The following PIP4K2A variants were observed in gnomAD, a reference collection of about 807,000 sequenced individuals.
PIP4K2A encodes phosphatidylinositol 5-phosphate 4-kinase type-2 alpha.
In PIP4K2A, 14 loss-of-function variants were observed where a neutral mutation model predicts 42.9. That is an observed-to-expected ratio of 0.33 (90% CI 0.22 to 0.51). The LOEUF (loss-of-function observed/expected upper bound fraction) is 0.51. PIP4K2A is among the 20% of genes least tolerant of loss of function. PIP4K2A has a pLI of 0.97. For synonymous variants in PIP4K2A, 192 were observed against 192.2 expected (o/e 1.00, Z 0.01); for missense variants, 434 against 519.8 (o/e 0.83, Z 1.61).
intron 1 of PIP4K2A, among the ~76,000 whole-genome samples, chr10:22,677,826 G>T (rs1839587497): frequency 1.3e-5 from 2 of 152,190 alleles, no homozygotes; most frequent in Non-Finnish European, 2.9e-5. Context: ...CAATCAGTCA[G>T]TAAGGTCCTA....
At chr10:22,686,044 G>A (rs958128339) in intron 1 of PIP4K2A, among the ~76,000 whole-genome samples, 4 of 152,082 alleles carry the variant, frequency 2.6e-5, no homozygotes, top group Admixed American at 6.5e-5. Flanking sequence ...AATACTGGGC[G>A]TGTCAAGATT....
chr10:22,568,794 T>G (rs978501947), intron 5 of PIP4K2A, among the ~76,000 whole-genome samples: 1 of 152,222 alleles, frequency 6.6e-6, no homozygotes, highest in African/African-American at 2.4e-5. Context: ...TAAGTATGGA[T>G]GACAATCACG....
At chr10:22,686,719 C>T (rs1313729294) in intron 1 of PIP4K2A, among the ~76,000 whole-genome samples, 2 of 152,162 alleles carry the variant, frequency 1.3e-5, no homozygotes, top group African/African-American at 2.4e-5. Flanking sequence ...ATCCTCCCAC[C>T]TTTGTCTCCC....
At chr10:22,699,056 T>A (rs1833653973) in intron 1 of PIP4K2A, among the ~76,000 whole-genome samples, 1 of 152,154 alleles carries the variant, frequency 6.6e-6, no homozygotes. Context: ...AGAAAGTGAA[T>A]TAGACAAAAA....
At chr10:22,706,311 T>C (rs754370364) in intron 1 of PIP4K2A, among the ~76,000 whole-genome samples, 2 of 152,168 alleles carry the variant, frequency 1.3e-5, no homozygotes, top group African/African-American at 2.4e-5. Context: ...CAGTCCTGGT[T>C]AGCACCTTGG....
At chr10:22,614,287 G>A (rs1210803296) in intron 1 of PIP4K2A, among the ~76,000 whole-genome samples, 1 of 152,236 alleles carries the variant, frequency 6.6e-6, no homozygotes, top group Non-Finnish European at 1.5e-5. Flanking sequence ...ATCATAAGAT[G>A]CTGAAATTAA....
chr10:22,609,491 A>C, intron 2 of PIP4K2A, 129 bp downstream of exon 2: 4 of 660,370 alleles, frequency 6.1e-6, no homozygotes, highest in Non-Finnish European at 5.4e-6. Context: ...GGTTATGTTT[A>C]TCACAGGATT....
chr10:22,614,885 C>A (rs1156605633), intron 1 of PIP4K2A, among the ~76,000 whole-genome samples: 1 of 152,146 alleles, frequency 6.6e-6, no homozygotes, highest in Non-Finnish European at 1.5e-5. Context: ...GCAATGAGCT[C>A]CCAGATTGAA....
intron 5 of PIP4K2A, among the ~76,000 whole-genome samples, chr10:22,569,655 CTG>C (rs145635674): frequency 2.0e-5 from 3 of 151,246 alleles, no homozygotes; most frequent in Admixed American, 6.6e-5. Context: ...GTGTGTGTGT[CTG>C]TGTGTGTGTG....
At position 22,536,750 on chromosome 10, in the gene PIP4K2A, T is replaced by TTTG. The variant is rs1181418726; in HGVS notation, c.*448_*450dup. The stretch of plus-strand genomic sequence containing the variant: ...AAAAAAAAAAAAAACTGATCCACAG[T>TTTG]TTGTTGTGTGATGCCAACACGGTGC... On this transcript the variant is annotated 3_prime_UTR_variant, in exon 10 of 10. Transcript: ENST00000376573. 2.3e-5 allele frequency: 2 copies of TTTG among 85,468 alleles called. No homozygotes were observed. The highest frequency in any genetic ancestry group is 5.6e-5 in the Non-Finnish European group (2 of 35,570). 5.3% of individuals were successfully genotyped at this position (85,468 alleles called of 1,614,324 possible). A position where few individuals can be genotyped will look rare whatever the true frequency, so the allele number is the denominator to read the frequency against.
chr10:22,539,789 G>A (rs1441167430), intron 9 of PIP4K2A, among the ~76,000 whole-genome samples, 182 bp downstream of exon 9: 3 of 151,928 alleles, frequency 2.0e-5, no homozygotes, highest in Non-Finnish European at 2.9e-5. Context: ...TGCCCCCAGG[G>A]AACAAGCGTC....
intron 1 of PIP4K2A, among the ~76,000 whole-genome samples, chr10:22,679,311 C>A (rs1839617710): frequency 6.6e-6 from 1 of 152,110 alleles, no homozygotes; most frequent in African/African-American, 2.4e-5. Flanking sequence ...TATATGGATA[C>A]CTCCTCAATA....
chr10:22,582,136 A>T (rs1445942032), intron 4 of PIP4K2A, among the ~76,000 whole-genome samples: 1 of 152,004 alleles, frequency 6.6e-6, no homozygotes, highest in African/African-American at 2.4e-5. Flanking sequence ...CTTATAAATG[A>T]TGTCGTCAAC....
rs556850522 is a variant in PIP4K2A, at chr10:22,615,503, A to G, written c.145-5786T>C. ...ACATAATGTTCATAAAGGAAACAGA[A>G]AGATTTGTGTTAACCATTACTGTTT... On this transcript the variant is annotated intron_variant, in intron 1 of 9. Coordinates refer to ENST00000376573, the MANE Select transcript of PIP4K2A (RefSeq NM_005028.5). Among the ~76,000 whole-genome samples, 18 of 152,374 alleles carry G rather than the reference A, an allele frequency of 1.2e-4. No homozygotes were observed. The East Asian group carries it at 3.3e-3, about 28-fold the overall frequency.
chr10:22,536,959 C>T lies in PIP4K2A; in HGVS notation c.*242G>A. 1 of 224,890 alleles carries T rather than the reference C, an allele frequency of 4.4e-6. No homozygotes were observed. Among genetic ancestry groups the T allele is most frequent in the Non-Finnish European group, 7.2e-6 (1 of 138,788 alleles). 13.9% of individuals were successfully genotyped at this position (224,890 alleles called of 1,614,324 possible). A position where few individuals can be genotyped will look rare whatever the true frequency, so the allele number is the denominator to read the frequency against. On this transcript the variant is annotated 3_prime_UTR_variant, in exon 10 of 10. Coordinates refer to ENST00000376573, the MANE Select transcript of PIP4K2A (RefSeq NM_005028.5). ...AATGCACACGCGCGCACACACTCAC[C>T]CCCCCCCAACACACACACACACACA...
At chr10:22,587,639 G>C (rs1483151270) in intron 4 of PIP4K2A, among the ~76,000 whole-genome samples, 1 of 152,146 alleles carries the variant, frequency 6.6e-6, no homozygotes, top group East Asian at 1.9e-4. Flanking sequence ...CGGTCACACA[G>C]AATCACATGA....
intron 1 of PIP4K2A, among the ~76,000 whole-genome samples, chr10:22,647,353 C>T (rs558149758): frequency 4.5e-4 from 69 of 151,814 alleles, no homozygotes; most frequent in African/African-American, 1.5e-3. Flanking sequence ...CGCGCGTGTG[C>T]GTGTGTTTTC....
intron 1 of PIP4K2A, among the ~76,000 whole-genome samples, chr10:22,650,681 T>G (rs1838976018): frequency 6.6e-6 from 1 of 152,238 alleles, no homozygotes; most frequent in Non-Finnish European, 1.5e-5. Context: ...AAACTCATTC[T>G]TTATTTTAAA....
intron 1 of PIP4K2A, among the ~76,000 whole-genome samples, chr10:22,620,962 CAATATTCT>C (rs1406699633): frequency 6.6e-6 from 1 of 152,202 alleles, no homozygotes. Context: ...GCCACAGCTC[CAATATTCT>C]AATCAAAGGC....
Sources: allele counts gnomAD v4.1 joint callset (sites outside exome capture counted in the v4.1 genomes callset), GRCh38; gene constraint gnomAD v4.1.1; transcripts MANE v1.5; gene names NCBI Gene and HGNC (gene_info 2026-07-23, HGNC 2026-07-21).